The following AMOTL1 variants were observed in gnomAD, a reference collection of about 807,000 sequenced individuals.
AMOTL1 encodes angiomotin like 1, also known as angiomotin-like protein 1.
AMOTL1 carries 45 observed loss-of-function variants against 102.9 expected under a neutral mutation model. The ratio of observed to expected loss-of-function variants is 0.44; its 90% CI spans 0.34 to 0.56. The LOEUF (loss-of-function observed/expected upper bound fraction) is 0.56. Ranked by LOEUF, AMOTL1 falls within the 20% of genes least tolerant of loss-of-function variation. The pLI, the probability that AMOTL1 is intolerant of heterozygous loss-of-function variation, is 0.01. For synonymous variants in AMOTL1, 481 were observed against 484.7 expected (o/e 0.99, Z 0.10); for missense variants, 1,114 against 1,225.6 (o/e 0.91, Z 1.36).
At chr11:94,781,280 T>G (rs1591958528) in intron 1 of AMOTL1, among the ~76,000 whole-genome samples, 1 of 152,172 alleles carries the variant, frequency 6.6e-6, no homozygotes, top group Non-Finnish European at 1.5e-5. Flanking sequence ...GCCTGACTAA[T>G]AGAGTTCAAG....
At position 94,858,797 on chromosome 11, in the gene AMOTL1, G is replaced by T. The variant is rs564445826; in HGVS notation, c.1945-728G>T. Among the ~76,000 whole-genome samples, 20 of 152,284 alleles carry T rather than the reference G, an allele frequency of 1.3e-4. No individual in the cohort carries two copies. The South Asian group carries it at 4.1e-3, about 32-fold the overall frequency. On this transcript the variant is annotated intron_variant, in intron 8 of 12. Coordinates refer to ENST00000433060, the MANE Select transcript of AMOTL1 (RefSeq NM_130847.3). ...TGTCATGCTCTTTAGAGGAAATAGTGTACCTAATTAAAGGAAAAAGATTCT... is the reference window on the plus strand; with the variant it reads ...TGTCATGCTCTTTAGAGGAAATAGTTTACCTAATTAAAGGAAAAAGATTCT...
At chr11:94,712,528 T>C (rs1950035920) in intron 1 of AMOTL1, among the ~76,000 whole-genome samples, 1 of 152,002 alleles carries the variant, frequency 6.6e-6, no homozygotes, top group African/African-American at 2.4e-5. Context: ...CAAAAGAAAC[T>C]AGCAACATAG....
chr11:94,792,432 C>T (rs958864856), intron 1 of AMOTL1, among the ~76,000 whole-genome samples: 7 of 152,162 alleles, frequency 4.6e-5, no homozygotes, highest in East Asian at 1.9e-4. Flanking sequence ...CAAACCTGCA[C>T]GTTGTGCACA....
At position 94,796,015 on chromosome 11, in the gene AMOTL1, A is replaced by C. The variant is rs182339070; in HGVS notation, c.199+855A>C. 7.2e-4 allele frequency among the ~76,000 whole-genome samples: 110 copies of C among 152,330 alleles called. 1 individual carries two copies. The highest frequency in any genetic ancestry group is 2.4e-3 in the African/African-American group (100 of 41,574). ...GAAAGAGCAGACCAGTCCAACCCAC[A>C]TTGATCTGTCTTTCCTTGGGTAGTT... On this transcript the variant is annotated intron_variant, in intron 2 of 12. Transcript: ENST00000433060.
At chr11:94,808,092 AAACAAAACAAG>A (rs201435663) in intron 3 of AMOTL1, among the ~76,000 whole-genome samples, 511 of 1,028 alleles carry the variant, frequency 0.5, 11 homozygotes, top group Middle Eastern at 0.67. Context: ...TACAAAGACA[AAACAAAACAAG>A]AACAAAACAA....
Position 94,869,422 on chromosome 11 carries a change from C to T in AMOTL1, c.2713C>T (p.His905Tyr), listed in dbSNP as rs200246312. Residue 905 changes from histidine (H) to tyrosine (Y), a missense_variant, in exon 12 of 13, where the codon CAC (histidine) becomes TAC (tyrosine). By Grantham distance (83) the His-to-Tyr change is moderately conservative. Transcript: ENST00000433060. ...SRGRLSTTPA[H>Y]SPVLKHPAAK... ...CGGCCGGCTGAGCACGACCCCTGCT[C>T]ACAGCCCCGTCCTGAAACACCCAGC... 52 of 1,604,734 alleles carry T rather than the reference C, an allele frequency of 3.2e-5. No individual in the cohort carries two copies. The highest frequency in any genetic ancestry group is 2.9e-5 in the Non-Finnish European group (34 of 1,176,062).
intron 6 of AMOTL1, among the ~76,000 whole-genome samples, chr11:94,845,546 C>T (rs1952393587): frequency 6.6e-6 from 1 of 152,170 alleles, no homozygotes; most frequent in Admixed American, 6.5e-5. Context: ...GTACTATGTG[C>T]CAAGTCCTGT....
chr11:94,772,441 A>G (rs1950966867), intron 1 of AMOTL1, among the ~76,000 whole-genome samples: 1 of 152,124 alleles, frequency 6.6e-6, no homozygotes, highest in African/African-American at 2.4e-5. Flanking sequence ...TAATTTTATC[A>G]TTTTGAGAAT....
At chr11:94,813,856 G>A (rs1435480559) in intron 3 of AMOTL1, among the ~76,000 whole-genome samples, 1 of 152,160 alleles carries the variant, frequency 6.6e-6, no homozygotes, top group Admixed American at 6.5e-5. Flanking sequence ...ATTTTTCAGG[G>A]AAAAGAGGTT....
chr11:94,742,162 A>G (rs7115927), intron 3 of AMOTL1, among the ~76,000 whole-genome samples: 19,114 of 152,162 alleles, frequency 0.13, 2,562 homozygotes, highest in African/African-American at 0.31. Context: ...CATCTCTATC[A>G]GTGGAATTGT....
intron 10 of AMOTL1, among the ~76,000 whole-genome samples, chr11:94,865,322 T>C (rs2135737723): frequency 6.6e-6 from 1 of 152,292 alleles, no homozygotes; most frequent in East Asian, 1.9e-4. Context: ...CTTTTTGACA[T>C]AATAAAACTA....
intron 7 of AMOTL1, among the ~76,000 whole-genome samples, chr11:94,852,310 GC>G (rs577771189): frequency 3.3e-5 from 5 of 152,248 alleles, no homozygotes; most frequent in Non-Finnish European, 5.9e-5. Context: ...AGTGGCTTCA[GC>G]TAGGACAGGA....
chr11:94,792,341 A>G (rs2135554750), intron 1 of AMOTL1, among the ~76,000 whole-genome samples: 1 of 152,326 alleles, frequency 6.6e-6, no homozygotes, highest in East Asian at 1.9e-4. Context: ...TGGGGGAGGG[A>G]TAGCATTAGG....
At chr11:94,743,324 A>G (rs1251851046) in intron 3 of AMOTL1, among the ~76,000 whole-genome samples, 1 of 152,142 alleles carries the variant, frequency 6.6e-6, no homozygotes, top group African/African-American at 2.4e-5. Context: ...TTCATTGTTT[A>G]TATTCATGTG....
intron 1 of AMOTL1, among the ~76,000 whole-genome samples, chr11:94,790,552 G>A (rs941090515): frequency 1.3e-5 from 2 of 152,146 alleles, no homozygotes; most frequent in Non-Finnish European, 2.9e-5. Flanking sequence ...GGAGAATGAG[G>A]ATGACATGTT....
intron 4 of AMOTL1, among the ~76,000 whole-genome samples, chr11:94,826,521 T>C (rs1230757334): frequency 1.3e-5 from 2 of 148,176 alleles, no homozygotes; most frequent in Non-Finnish European, 2.9e-5. Flanking sequence ...TTTTACGCTG[T>C]GTCACAACAT....
chr11:94,707,234 CTCTCTCTCTCTCTCTCTGTGTG>C (rs1368075791), intron 1 of AMOTL1, among the ~76,000 whole-genome samples: 2 of 126,978 alleles, frequency 1.6e-5, no homozygotes, highest in East Asian at 4.5e-4. Context: ...CTCTCTCTCT[CTCTCTCTCTCTCTCTCTGTGTG>C]TGTGTGTGTG....
At chr11:94,814,630 A>G (rs1951736048) in intron 3 of AMOTL1, among the ~76,000 whole-genome samples, 1 of 152,182 alleles carries the variant, frequency 6.6e-6, no homozygotes, top group South Asian at 2.1e-4. Context: ...CCCTATTACG[A>G]TAAACACGTG....
chr11:94,854,926 G>A (rs112558483), intron 8 of AMOTL1, among the ~76,000 whole-genome samples: 22 of 152,276 alleles, frequency 1.4e-4, no homozygotes, highest in African/African-American at 4.8e-4. Flanking sequence ...TAACAACTGA[G>A]CATGTAACTC....
Sources: gnomAD v4.1 joint callset for allele counts (sites outside exome capture counted in the v4.1 genomes callset) on GRCh38, gnomAD v4.1.1 for gene constraint, MANE v1.5 for transcripts, NCBI Gene and HGNC (gene_info 2026-07-23, HGNC 2026-07-21) for gene names.